IMMP2L: variants seen among roughly 807,000 people sequenced by gnomAD.
The protein encoded by IMMP2L is inner mitochondrial membrane peptidase subunit 2.
In IMMP2L, 18 loss-of-function variants were observed where a neutral mutation model predicts 19.3. The observed-to-expected ratio is 0.93, with a 90% CI of 0.64 to 1.38. The LOEUF is 1.38. IMMP2L is among the 40% of genes most tolerant of loss of function. The probability of loss-of-function intolerance (pLI) is 0.00; values close to 1 mark genes in which losing one functional copy is unlikely to be tolerated. For synonymous variants in IMMP2L, 76 were observed against 73.0 expected, an observed-to-expected ratio of 1.04 and a Z score of -0.21; for missense variants, 233 against 218.2, an observed-to-expected ratio of 1.07 and a Z score of -0.43.
At chr7:110,856,387 A>AT (rs1806769591) in intron 5 of IMMP2L, among the ~76,000 whole-genome samples, 1 of 152,072 alleles carries the variant, frequency 6.6e-6, no homozygotes, top group African/African-American at 2.4e-5. Context: ...CACTGCCAAG[A>AT]TAAGTAGGAA....
intron 3 of IMMP2L, among the ~76,000 whole-genome samples, chr7:111,073,074 A>G (rs983966294): frequency 2.0e-5 from 3 of 152,216 alleles, no homozygotes; most frequent in Non-Finnish European, 4.4e-5. Flanking sequence ...CTGATGTTAA[A>G]TATACTGAAT....
chr7:111,255,919 G>T (rs1477037788), intron 3 of IMMP2L, among the ~76,000 whole-genome samples: 1 of 151,906 alleles, frequency 6.6e-6, no homozygotes, highest in Non-Finnish European at 1.5e-5. Context: ...GTATTCTATT[G>T]TTCAAAGCTG....
At chr7:111,308,378 T>C (rs1170601315) in intron 3 of IMMP2L, among the ~76,000 whole-genome samples, 4 of 151,964 alleles carry the variant, frequency 2.6e-5, no homozygotes, top group African/African-American at 7.2e-5. Context: ...TTATTGGTGA[T>C]GTAGGAATCT....
intron 3 of IMMP2L, among the ~76,000 whole-genome samples, chr7:111,012,521 TA>T (rs1320098186): frequency 6.6e-6 from 1 of 152,146 alleles, no homozygotes; most frequent in Non-Finnish European, 1.5e-5. Flanking sequence ...GATATTAACA[TA>T]GGGGCAAATG....
At chr7:111,098,353 T>C (rs973887908) in intron 3 of IMMP2L, among the ~76,000 whole-genome samples, 1 of 151,840 alleles carries the variant, frequency 6.6e-6, no homozygotes, top group Non-Finnish European at 1.5e-5. Context: ...TTCCAAACCA[T>C]TTCCTCAATC....
At chr7:111,492,220 A>T (rs1479704431) in intron 2 of IMMP2L, 1 of 186,720 alleles carries the variant, frequency 5.4e-6, no homozygotes, top group African/African-American at 2.4e-5. Flanking sequence ...AGTGGAAAGA[A>T]TTTAAAAAAA....
chr7:111,131,383 T>C (rs1801832441), intron 3 of IMMP2L, among the ~76,000 whole-genome samples: 1 of 151,966 alleles, frequency 6.6e-6, no homozygotes, highest in East Asian at 1.9e-4. Flanking sequence ...ATAATAAATA[T>C]ATTATTAACA....
intron 2 of IMMP2L, among the ~76,000 whole-genome samples, chr7:111,496,344 G>A (rs1483393770): frequency 2.0e-5 from 3 of 151,984 alleles, no homozygotes; most frequent in African/African-American, 4.8e-5. Flanking sequence ...TTATATCATG[G>A]GTACTTATTA....
intron 3 of IMMP2L, among the ~76,000 whole-genome samples, chr7:111,286,172 G>A (rs1350419713): frequency 2.0e-5 from 3 of 152,126 alleles, no homozygotes; most frequent in Admixed American, 6.5e-5. Context: ...GACAGTTCAC[G>A]AAAAGTTTAA....
At chr7:110,836,448 C>T (rs1804482354) in intron 5 of IMMP2L, among the ~76,000 whole-genome samples, 1 of 152,088 alleles carries the variant, frequency 6.6e-6, no homozygotes, top group African/African-American at 2.4e-5. Context: ...AAATAAGTCT[C>T]ACGAATCTGA....
intron 3 of IMMP2L, among the ~76,000 whole-genome samples, chr7:111,279,850 C>T (rs1457574963): frequency 2.0e-5 from 3 of 152,168 alleles, no homozygotes; most frequent in East Asian, 1.9e-4. Context: ...ACAAACATTT[C>T]GGGCTTTTAA....
intron 3 of IMMP2L, among the ~76,000 whole-genome samples, chr7:111,117,969 G>A (rs566020587): frequency 6.6e-6 from 1 of 152,018 alleles, no homozygotes; most frequent in Non-Finnish European, 1.5e-5. Flanking sequence ...AAAAGACAGT[G>A]GATTTTAAAT....
intron 3 of IMMP2L, among the ~76,000 whole-genome samples, chr7:111,134,152 T>C (rs1562836309): frequency 6.6e-6 from 1 of 152,040 alleles, no homozygotes; most frequent in Non-Finnish European, 1.5e-5. Flanking sequence ...TTCACAAATA[T>C]GTTACATAGA....
chr7:111,548,572 CAGG>C (rs1359597407), intron 1 of IMMP2L, among the ~76,000 whole-genome samples: 18 of 152,090 alleles, frequency 1.2e-4, no homozygotes, highest in Admixed American at 1.1e-3. Flanking sequence ...ATGGTACTAA[CAGG>C]AGATGACAAT....
intron 5 of IMMP2L, among the ~76,000 whole-genome samples, chr7:110,819,402 T>C (rs1289366152): frequency 6.6e-6 from 1 of 152,012 alleles, no homozygotes. Flanking sequence ...GATGCATATA[T>C]TTTGGCTGAA....
intron 3 of IMMP2L, among the ~76,000 whole-genome samples, chr7:111,402,749 T>C (rs985817053): frequency 2.6e-5 from 4 of 151,880 alleles, no homozygotes; most frequent in Admixed American, 1.3e-4. Context: ...TACTATAAAA[T>C]CAAATTAAAA....
chr7:110,754,839 A>T (rs1318497594), intron 5 of IMMP2L, among the ~76,000 whole-genome samples: 1 of 152,048 alleles, frequency 6.6e-6, no homozygotes, highest in Non-Finnish European at 1.5e-5. Flanking sequence ...TCCTCCAACA[A>T]GAACATTATG....
intron 5 of IMMP2L, among the ~76,000 whole-genome samples, chr7:110,817,904 A>G (rs184604362): frequency 2.6e-5 from 4 of 152,296 alleles, no homozygotes; most frequent in African/African-American, 9.6e-5. Context: ...AAAACTGGCT[A>G]GCTGTATGTA....
At chr7:111,539,905 C>A (rs1020344184) in intron 1 of IMMP2L, among the ~76,000 whole-genome samples, 1 of 152,014 alleles carries the variant, frequency 6.6e-6, no homozygotes, top group African/African-American at 2.4e-5. Flanking sequence ...AGAGGGAAAA[C>A]AAAATGGGTT....
Sources: allele counts gnomAD v4.1 joint callset (sites outside exome capture counted in the v4.1 genomes callset), GRCh38; gene constraint gnomAD v4.1.1; transcripts MANE v1.5; gene names NCBI Gene and HGNC (gene_info 2026-07-23, HGNC 2026-07-21).